Variants in ZNF605 observed in about 807,000 individuals in gnomAD.
The protein encoded by ZNF605 is zinc finger protein 605.
ZNF605 carries 9 observed loss-of-function variants against 7.9 expected under a neutral mutation model. The observed-to-expected ratio is 1.14, with a 90% confidence interval of 0.68 to 1.98. ZNF605 has a LOEUF of 1.98. ZNF605 is among the 30% of genes most tolerant of loss of function. ZNF605 has a pLI of 0.00. For synonymous variants in ZNF605, 255 were observed against 260.1 expected, an observed-to-expected ratio of 0.98 and a Z score of 0.19; for missense variants, 673 against 762.4, an observed-to-expected ratio of 0.88 and a Z score of 1.38.
rs925053654 is a variant in ZNF605, at chr12:132,922,712, G to A, written c.*2661C>T. The A allele has an allele frequency of 6.6e-6, 1 of 152,218 alleles. No homozygotes were observed. Among genetic ancestry groups the A allele is most frequent in the Non-Finnish European group, 1.5e-5 (1 of 68,046 alleles). 9.4% of individuals were successfully genotyped at this position (152,218 alleles called of 1,614,324 possible). A position where few individuals can be genotyped will look rare whatever the true frequency, so the allele number is the denominator to read the frequency against. Reference sequence around the variant, plus strand: ...CAGTGGGTTGGGGAAGCACCCAGTAGTAGTTAAGTCTGAAGATCATGGAGA... The same window carrying A: ...CAGTGGGTTGGGGAAGCACCCAGTAATAGTTAAGTCTGAAGATCATGGAGA... On this transcript the variant is annotated 3_prime_UTR_variant, in exon 5 of 5. Coordinates refer to ENST00000360187, the MANE Select transcript of ZNF605 (RefSeq NM_183238.4).
At position 132,925,669 on chromosome 12, in the gene ZNF605, G is replaced by T. The variant is rs1371343219; in HGVS notation, c.1630C>A (p.Gln544Lys). The T allele has an allele frequency of 6.2e-7, 1 of 1,614,066 alleles. No homozygotes were observed. Among genetic ancestry groups the T allele is most frequent in the Admixed American group, 1.7e-5 (1 of 60,016 alleles). Reference sequence around the variant, plus strand: ...TGATGCTTAATGAGCTGCACTTTCTGAACAAATGCTTTCCCACATTCACTG... The same window carrying T: ...TGATGCTTAATGAGCTGCACTTTCTTAACAAATGCTTTCCCACATTCACTG... ...ECSECGKAFV[Q>K]KVQLIKHQRN... The change falls in exon 5 of 5, where the codon CAG becomes AAG. Residue 544 changes from glutamine (Q) to lysine (K), a missense_variant. By Grantham distance (53) the Gln-to-Lys change is moderately conservative (BLOSUM62 1). Transcript: ENST00000360187.
intron 4 of ZNF605, among the ~76,000 whole-genome samples, chr12:132,929,452 T>C (rs1952283485): frequency 6.6e-6 from 1 of 152,286 alleles, no homozygotes; most frequent in Non-Finnish European, 1.5e-5. Context: ...GACTCAGTGT[T>C]TCGGGCATAA....
At chr12:132,931,647 C>T (rs1378176384) in intron 4 of ZNF605, among the ~76,000 whole-genome samples, 1 of 151,994 alleles carries the variant, frequency 6.6e-6, no homozygotes, top group Non-Finnish European at 1.5e-5. Context: ...ACAAATCTAG[C>T]TCAAATGGAG....
chr12:132,929,692 A>G (rs1316967837), intron 4 of ZNF605, among the ~76,000 whole-genome samples: 2 of 152,116 alleles, frequency 1.3e-5, no homozygotes, highest in Non-Finnish European at 2.9e-5. Flanking sequence ...CACGTCTGTA[A>G]TCCCAGCACT....
chr12:132,939,923 C>T (rs1321525044), intron 3 of ZNF605, among the ~76,000 whole-genome samples: 9 of 151,726 alleles, frequency 5.9e-5, no homozygotes, highest in East Asian at 1.9e-4. Context: ...ACACTCACCG[C>T]GAAGGTCTGC....
At chr12:132,935,693 C>T (rs1166578600) in intron 3 of ZNF605, among the ~76,000 whole-genome samples, 3 of 151,916 alleles carry the variant, frequency 2.0e-5, no homozygotes, top group East Asian at 1.9e-4. Flanking sequence ...GAGATCGAGA[C>T]CATCCTGGCT....
At chr12:132,949,498 TG>T (rs1468543695) in intron 1 of ZNF605, among the ~76,000 whole-genome samples, 1 of 152,188 alleles carries the variant, frequency 6.6e-6, no homozygotes, top group Non-Finnish European at 1.5e-5. Flanking sequence ...ACTCTTAACC[TG>T]TCTCTTCTCA....
At position 132,956,080 on chromosome 12, in the gene ZNF605, C is replaced by T. The variant is rs1377742107; in HGVS notation, c.-286+163G>A. ...CCCGCCTTCCGCGCATGCGCCCAGG[C>T]CGGTCCGCAGGCCTTTCTCGCCCCA... On this transcript the variant is annotated intron_variant, in intron 1 of 4. Transcript: ENST00000360187. Among the ~76,000 whole-genome samples the T allele has an allele frequency of 2.7e-4, 40 of 150,330 alleles. 1 individual carries two copies.
chr12:132,939,551 G>A (rs917496632), intron 3 of ZNF605, among the ~76,000 whole-genome samples: 3 of 152,050 alleles, frequency 2.0e-5, no homozygotes, highest in African/African-American at 7.2e-5. Flanking sequence ...TAACTAATCT[G>A]ATGGGGACGT....
intron 3 of ZNF605, among the ~76,000 whole-genome samples, chr12:132,938,939 G>A (rs1391009473): frequency 9.3e-4 from 141 of 151,816 alleles, no homozygotes; most frequent in Admixed American, 1.4e-3. Flanking sequence ...CAGCAGTGCT[G>A]GCCCACCGGC....
chr12:132,926,974 G>A lies in ZNF605; in HGVS notation c.325C>T (p.Leu109Phe), dbSNP rs1952253854. The A allele has an allele frequency of 2.5e-6, 4 of 1,611,962 alleles. No homozygotes were observed. Among genetic ancestry groups the A allele is most frequent in the East Asian group, 2.2e-5 (1 of 44,884 alleles). The change falls in exon 5 of 5, where the codon CTT becomes TTT. Residue 109 changes from leucine to phenylalanine, a missense_variant. Coordinates refer to ENST00000360187, the MANE Select transcript of ZNF605 (RefSeq NM_183238.4). ...EKSLKCPFDL[L>F]IPKNNCERKK... ...CTTTCACAATTATTTTTTGGAATAA[G>A]CAAATCAAAAGGACATTTCAAACTT... is the stretch of plus-strand genomic sequence containing the variant.
intron 1 of ZNF605, among the ~76,000 whole-genome samples, chr12:132,953,644 G>C (rs1256707221): frequency 1.3e-5 from 2 of 152,050 alleles, no homozygotes; most frequent in Middle Eastern, 3.4e-3. Flanking sequence ...CCAGGATGGT[G>C]TGGATCTCTT....
chr12:132,954,124 C>G (rs1308188235), intron 1 of ZNF605, among the ~76,000 whole-genome samples: 2 of 151,830 alleles, frequency 1.3e-5, no homozygotes, highest in Admixed American at 1.3e-4. Context: ...ATTCCTACGT[C>G]ACACCATAGA....
rs1952234484 is a variant in ZNF605 at position 132,925,213 on chromosome 12, TTC to T, written c.*158_*159del. The T allele has an allele frequency of 3.6e-6, 2 of 549,550 alleles. No homozygotes were observed. The highest frequency in any genetic ancestry group is 3.1e-5 in the South Asian group (1 of 31,840). 34.0% of individuals were successfully genotyped at this position (549,550 alleles called of 1,614,324 possible). On this transcript the variant is annotated 3_prime_UTR_variant, in exon 5 of 5. Coordinates refer to ENST00000360187, the MANE Select transcript of ZNF605 (RefSeq NM_183238.4). ...TTTACACTGTTTGCTTTTTAAAAAC[TTC>T]TCTTTCTAAATTCTGCTTAGTGACT...
Position 132,933,875 on chromosome 12 carries a change from T to C in ZNF605, c.16-720A>G, listed in dbSNP as rs1023607882. Among the ~76,000 whole-genome samples, 1 of 152,238 alleles carries C rather than the reference T, an allele frequency of 6.6e-6. No individual in the cohort carries two copies. Among genetic ancestry groups the C allele is most frequent in the Non-Finnish European group, 1.5e-5 (1 of 68,042 alleles). On this transcript the variant is annotated intron_variant, in intron 3 of 4. Coordinates refer to ENST00000360187, the MANE Select transcript of ZNF605 (RefSeq NM_183238.4). This position sits in a 1 kb window ranked among gnomAD's most constrained non-coding sequence, Gnocchi z 4.4. ...TTCTCAAAGAAGGTGCCACTAGTATTTGAGAACCATTCTTAGGTAAGGAAT... is the reference window on the plus strand; with the variant it reads ...TTCTCAAAGAAGGTGCCACTAGTATCTGAGAACCATTCTTAGGTAAGGAAT...
At chr12:132,953,719 C>T (rs1161306361) in intron 1 of ZNF605, among the ~76,000 whole-genome samples, 2 of 151,996 alleles carry the variant, frequency 1.3e-5, no homozygotes, top group African/African-American at 4.8e-5. Context: ...GCCACGGTGC[C>T]CAGCTAAGGC....
At chr12:132,945,265 A>G (rs1454839931) in intron 3 of ZNF605, 3 of 741,798 alleles carry the variant, frequency 4.0e-6, no homozygotes, top group Non-Finnish European at 6.8e-6. Flanking sequence ...TGCCCAGCTG[A>G]GACTTTTGTA....
intron 1 of ZNF605, among the ~76,000 whole-genome samples, chr12:132,953,290 G>C (rs1407636593): frequency 6.6e-6 from 1 of 152,132 alleles, no homozygotes; most frequent in African/African-American, 2.4e-5. Flanking sequence ...CACACTATGG[G>C]TTCCCCAGTG....
At chr12:132,936,000 G>T (rs1952361823) in intron 3 of ZNF605, among the ~76,000 whole-genome samples, 1 of 151,720 alleles carries the variant, frequency 6.6e-6, no homozygotes, top group Non-Finnish European at 1.5e-5. Flanking sequence ...GGTGGAGCTT[G>T]CAGTGAGCCG....
Sources: allele counts gnomAD v4.1 joint callset (sites outside exome capture counted in the v4.1 genomes callset), GRCh38; gene constraint gnomAD v4.1.1; non-coding constraint Gnocchi (gnomAD v3.1); transcripts MANE v1.5; gene names NCBI Gene and HGNC (gene_info 2026-07-23, HGNC 2026-07-21).